PFAS: variants seen among roughly 807,000 people sequenced by gnomAD.
PFAS encodes phosphoribosylformylglycinamidine synthase, also known as FGAM synthase.
Under a neutral mutation model 140.6 loss-of-function variants are expected in PFAS, and 97 were observed. The ratio of observed to expected loss-of-function variants is 0.69; its 90% CI spans 0.59 to 0.82. The LOEUF (loss-of-function observed/expected upper bound fraction) is 0.82. Among genes scored for constraint, PFAS ranks in the 40% least tolerant of loss-of-function variants. PFAS has a pLI of 0.00. For synonymous variants in PFAS, 679 were observed against 718.8 expected, an observed-to-expected ratio of 0.94 and a Z score of 0.88; for missense variants, 1,656 against 1,780.2, an observed-to-expected ratio of 0.93 and a Z score of 1.26.
chr17:8,267,180 G>A lies in PFAS; in HGVS notation c.3120G>A (p.Gly1040=). The A allele has an allele frequency of 6.2e-7, 1 of 1,607,356 alleles. No homozygotes were observed. The highest frequency in any genetic ancestry group is 1.1e-5 in the South Asian group (1 of 90,574). ...AACGGGGCCTGAGGGAGCGGATGGG[G>A]CCCAGCTATTGCCTGCCCCCCACCT... ...EEERGLRERM[G]PSYCLPPTFP... is the part of the protein sequence containing the mutation. Residue 1040 remains glycine (G), a synonymous_variant, in exon 24 of 28, where the codon GGG becomes GGA. Transcript: ENST00000314666. The surrounding 1 kb of genome is among the most constrained non-coding windows in gnomAD (Gnocchi z 4.9).
At chr17:8,255,977 C>A in intron 6 of PFAS, 67 bp downstream of exon 6, 1 of 1,209,592 alleles carries the variant, frequency 8.3e-7, no homozygotes, top group Non-Finnish European at 1.2e-6. Flanking sequence ...CAGGGGCTCA[C>A]CTTCATGTTC....
At chr17:8,257,121 G>A (rs1228559406) in intron 9 of PFAS, among the ~76,000 whole-genome samples, 158 bp downstream of exon 9, 1 of 152,188 alleles carries the variant, frequency 6.6e-6, no homozygotes, top group Non-Finnish European at 1.5e-5. Context: ...ATGGTCATAA[G>A]TGTAGACCTG....
At position 8,264,901 on chromosome 17, in the gene PFAS, C is replaced by T. The variant is rs1191537726; in HGVS notation, c.2056C>T (p.Arg686Cys). 1 of 1,574,920 alleles carries T rather than the reference C, an allele frequency of 6.3e-7. No homozygotes were observed. Among genetic ancestry groups the T allele is most frequent in the Non-Finnish European group, 8.6e-7 (1 of 1,156,310 alleles). ...SKRYLTNKVD[R>C]SVGGLVAQQQ... ...ACCCCACCTGGTTCCACAGGTGGAC[C>T]GCTCTGTGGGAGGCCTGGTGGCCCA... Residue 686 changes from arginine to cysteine, a missense_variant, in exon 18 of 28, where the codon CGC (arginine) becomes TGC (cysteine). Physicochemically the swap from Arg to Cys is radical, Grantham distance 180. Around this residue, in one of 2 missense-constraint regions of PFAS, gnomAD observed 883 missense variants for 1,023.0 expected, o/e 0.86. Transcript: ENST00000314666.
upstream of PFAS, among the ~76,000 whole-genome samples, chr17:8,248,745 G>C (rs1011288262): frequency 6.6e-6 from 1 of 152,020 alleles, no homozygotes; most frequent in African/African-American, 2.4e-5. Flanking sequence ...TTTCTGTAGC[G>C]ACATGGTTTC....
chr17:8,247,653 C>T (rs1218314346), upstream of PFAS: 2 of 223,966 alleles, frequency 8.9e-6, no homozygotes, highest in Admixed American at 5.5e-5. Context: ...GGGTCTCAGA[C>T]GCTTTTACTT....
At chr17:8,248,140 C>T (rs897092159), upstream of PFAS, 51 of 842,526 alleles carry the variant, frequency 6.1e-5, no homozygotes, top group African/African-American at 6.2e-4. Flanking sequence ...GGTTTCCTCG[C>T]CACCTCCAGC....
At chr17:8,250,756 G>T (rs1470122173) in intron 1 of PFAS, among the ~76,000 whole-genome samples, 1 of 152,162 alleles carries the variant, frequency 6.6e-6, no homozygotes, top group Non-Finnish European at 1.5e-5. Flanking sequence ...AGAGAAAGAG[G>T]TTTAATCATA....
Position 8,262,949 on chromosome 17 carries a change from G to A in PFAS, c.1366G>A (p.Val456Ile), listed in dbSNP as rs762838130. The change falls in exon 12 of 28, where the codon GTC (valine) becomes ATC (isoleucine). Residue 456 changes from valine to isoleucine, a missense_variant. Val to Ile is a conservative substitution (Grantham distance 29, BLOSUM62 3). Transcript: ENST00000314666. ...GMEVVKVGGP[V>I]YRIGVGGGAA... ...GGAAGTTGTAAAGGTTGGAGGTCCC[G>A]TCTACAGGATTGGAGTTGGAGGTGG... is the stretch of plus-strand genomic sequence containing the variant. 9.3e-6 allele frequency: 15 copies of A among 1,613,942 alleles called. No individual in the cohort carries two copies. The highest frequency in any genetic ancestry group is 1.6e-4 in the Middle Eastern group (1 of 6,082).
chr17:8,255,488 G>A lies in PFAS; in HGVS notation c.385-14G>A. 6.6e-7 allele frequency: 1 copy of A among 1,510,260 alleles called. No homozygotes were observed. Among genetic ancestry groups the A allele is most frequent in the South Asian group, 1.3e-5 (1 of 74,198 alleles). 93.6% of individuals were successfully genotyped at this position (1,510,260 alleles called of 1,614,324 possible). On this transcript the variant is annotated splice_polypyrimidine_tract_variant and intron_variant, in intron 4 of 27. Transcript: ENST00000314666. ...ACTCTTCACCCCTTGCCCTCTGTGT[G>A]TCTGCACCCCTAGTTTGCCCACCCC... is the stretch of plus-strand genomic sequence containing the variant.
rs755783932 is a variant in PFAS, at chr17:8,267,532, C to T, written c.3268-19C>T. 6 of 1,586,672 alleles carry T rather than the reference C, an allele frequency of 3.8e-6. No homozygotes were observed. In the African/African-American group the frequency reaches 6.7e-5, roughly 18 times the overall value. On this transcript the variant is annotated intron_variant, in intron 25 of 27. Transcript: ENST00000314666. The surrounding 1 kb of genome is among the most constrained non-coding windows in gnomAD (Gnocchi z 4.9). ...GCTGCGTGTCCTCCCACCCACACTC[C>T]CCCTCCCCACCTTCGCAGGTATGGG...
Position 8,265,128 on chromosome 17 carries a change from G to A in PFAS, c.2280+3G>A, listed in dbSNP as rs1178720874. 3 of 1,608,694 alleles carry A rather than the reference G, an allele frequency of 1.9e-6. No homozygotes were observed. Among genetic ancestry groups the A allele is most frequent in the Non-Finnish European group, 2.5e-6 (3 of 1,176,886 alleles). On this transcript the variant is annotated splice_donor_region_variant and intron_variant, in intron 18 of 27. Coordinates refer to ENST00000314666, the MANE Select transcript of PFAS (RefSeq NM_012393.3). ...TTGCTCTGGTCACTGACCTCCGGGT[G>A]AGTTCTCCCACAGCTTCTATCCTGG... is the stretch of plus-strand genomic sequence containing the variant.
chr17:8,263,094 C>G lies in PFAS; in HGVS notation c.1411-15C>G. The G allele has an allele frequency of 6.2e-7, 1 of 1,613,672 alleles. No individual in the cohort carries two copies. Among genetic ancestry groups the G allele is most frequent in the Non-Finnish European group, 8.5e-7 (1 of 1,179,588 alleles). On this transcript the variant is annotated splice_polypyrimidine_tract_variant and intron_variant, in intron 12 of 27. Transcript: ENST00000314666. ...CCAGTCTCGCTGAGCTGAGCTATGC[C>G]ATATATGCCCCCAGGTGCAGGGAGA...
intron 11 of PFAS, among the ~76,000 whole-genome samples, chr17:8,261,474 G>A (rs1181242946): frequency 6.6e-6 from 1 of 151,252 alleles, no homozygotes; most frequent in Non-Finnish European, 1.5e-5. Flanking sequence ...CCTGAGCTCA[G>A]GTAATCCACC....
In PFAS at chr17:8,269,148, G is replaced by A; in HGVS notation, c.3901G>A (p.Ala1301Thr). Residue 1301 changes from alanine to threonine, a missense_variant, in exon 28 of 28, where the codon GCC becomes ACC. Ala to Thr is a moderately conservative substitution (Grantham distance 58). Coordinates refer to ENST00000314666, the MANE Select transcript of PFAS (RefSeq NM_012393.3). ...HLAVMPHPER[A>T]VRPWQWAWRP... ...GGCTGTCATGCCTCACCCTGAGCGG[G>A]CCGTTAGGCCTTGGCAGTGGGCATG... 1 of 1,613,918 alleles carries A rather than the reference G, an allele frequency of 6.2e-7. No individual in the cohort carries two copies.
chr17:8,265,186 T>A, intron 18 of PFAS, 61 bp downstream of exon 18: 1 of 1,560,860 alleles, frequency 6.4e-7, no homozygotes, highest in East Asian at 2.3e-5. Flanking sequence ...TCCACATCCA[T>A]CTGTAGCCCT....
At chr17:8,268,328 A>G (rs1181438869) in intron 26 of PFAS, among the ~76,000 whole-genome samples, 12 of 146,300 alleles carry the variant, frequency 8.2e-5, no homozygotes, top group African/African-American at 1.5e-4. Flanking sequence ...AGCCGAGATC[A>G]TGCCACTGTA....
intron 20 of PFAS, 71 bp downstream of exon 20, chr17:8,265,710 C>T: frequency 6.9e-7 from 1 of 1,444,844 alleles, no homozygotes; most frequent in Non-Finnish European, 9.7e-7. Context: ...TTTGTGAGTG[C>T]TGGGCCCCCA....
chr17:8,254,192 A>G lies in PFAS; in HGVS notation c.169A>G (p.Thr57Ala), dbSNP rs777538996. The change falls in exon 3 of 28, where the codon ACA becomes GCA. Residue 57 changes from threonine to alanine, a missense_variant. This residue lies in a region of PFAS where 773 missense variants were observed against 757.3 expected (regional missense o/e 1.02). Transcript: ENST00000314666. ...TAEALPSAEE[T>A]KKLMWLFGCP... Reference sequence around the variant, plus strand: ...TGAGGCCCTCCCCAGTGCTGAGGAGACAAAGAAGCTGATGTGGCTGTTTGG... The same window carrying G: ...TGAGGCCCTCCCCAGTGCTGAGGAGGCAAAGAAGCTGATGTGGCTGTTTGG... The G allele has an allele frequency of 2.5e-6, 4 of 1,613,902 alleles. No individual in the cohort carries two copies. The South Asian group carries it at 4.4e-5, about 18-fold the overall frequency.
In PFAS at chr17:8,268,660, GGGAGGCGACCCCAATGA is replaced by G. The variant is rs1331954285; in HGVS notation, c.3514_3530del (p.Gly1172CysfsTer7). The G allele has an allele frequency of 1.2e-6, 2 of 1,613,780 alleles. No homozygotes were observed. Among genetic ancestry groups the G allele is most frequent in the Admixed American group, 1.7e-5 (1 of 60,026 alleles). On this transcript the variant is annotated frameshift_variant, in exon 27 of 28. Coordinates refer to ENST00000314666, the MANE Select transcript of PFAS (RefSeq NM_012393.3). LOFTEE classifies it high-confidence loss of function. Reference sequence around the variant, plus strand: ...AACTGCTGGCTCTGCTCGGCTGGGTGGGAGGCGACCCCAATGAGGATGCTGCAGAGATGGGCCCTGAC... The same window carrying G: ...AACTGCTGGCTCTGCTCGGCTGGGTGGGATGCTGCAGAGATGGGCCCTGAC...
Sources: allele counts gnomAD v4.1 joint callset (sites outside exome capture counted in the v4.1 genomes callset), GRCh38; gene constraint gnomAD v4.1.1; regional missense constraint gnomAD v4.1.1; non-coding constraint Gnocchi (gnomAD v3.1); transcripts MANE v1.5; gene names NCBI Gene and HGNC (gene_info 2026-07-23, HGNC 2026-07-21).